Variants in NOTCH1 observed in about 807,000 individuals in gnomAD.
NOTCH1 encodes the protein notch receptor 1.
In NOTCH1, 37 loss-of-function variants were observed where a neutral mutation model predicts 254.8. That is an observed-to-expected ratio of 0.15 (90% CI 0.11 to 0.19). The LOEUF (loss-of-function observed/expected upper bound fraction) is 0.19. NOTCH1 is among the 10% of genes least tolerant of loss of function. The probability of loss-of-function intolerance (pLI) is 1.00; values close to 1 mark genes in which losing one functional copy is unlikely to be tolerated. For synonymous variants in NOTCH1, 1,731 were observed against 1,618.1 expected (o/e 1.07, Z -1.68); for missense variants, 2,972 against 3,708.6 (o/e 0.80, Z 5.16).
rs2133329059 is a variant in NOTCH1, at chr9:136,501,863, C to T, written c.5523G>A (p.Arg1841=). 6.2e-7 allele frequency: 1 copy of T among 1,612,574 alleles called. No individual in the cohort carries two copies. The highest frequency in any genetic ancestry group is 1.3e-5 in the African/African-American group (1 of 75,032). The change falls in exon 30 of 34, where the codon CGG becomes CGA. Residue 1841 remains arginine, a synonymous_variant. Coordinates refer to ENST00000651671, the MANE Select transcript of NOTCH1 (RefSeq NM_017617.5). ...CATCCAGGTGCTGCTGAGTCCACTGCCGGTGGTCTGTCTGGTCGTCCAGGT... is the reference window on the plus strand; with the variant it reads ...CATCCAGGTGCTGCTGAGTCCACTGTCGGTGGTCTGTCTGGTCGTCCAGGT... The part of the protein sequence containing the change: ...LPDLDDQTDH[R]QWTQQHLDAA...
intron 2 of NOTCH1, among the ~76,000 whole-genome samples, chr9:136,528,743 C>G (rs1355845039): frequency 6.6e-6 from 1 of 152,074 alleles, no homozygotes; most frequent in Non-Finnish European, 1.5e-5. Flanking sequence ...CACCTGCCCT[C>G]CTTGGGCCTC....
rs200232299 is a variant in NOTCH1 at position 136,505,581 on chromosome 9, C to T, written c.4315G>A (p.Asp1439Asn). The change falls in exon 25 of 34, where the codon GAC becomes AAC. Residue 1439 changes from aspartate to asparagine, a missense_variant. By Grantham distance (23) the Asp-to-Asn change is conservative. Transcript: ENST00000651671. ...TCCTCGATCAGCGGCGGGGGGATGTCGCGCCCGGCCCCACCCCCGAAGCTG... is the reference window on the plus strand; with the variant it reads ...TCCTCGATCAGCGGCGGGGGGATGTTGCGCCCGGCCCCACCCCCGAAGCTG... ...DYSFGGGAGRDIPPPLIEEAC... is the reference protein window; with the variant it reads ...DYSFGGGAGRNIPPPLIEEAC... 84 of 1,609,990 alleles carry T rather than the reference C, an allele frequency of 5.2e-5. No individual in the cohort carries two copies. Among genetic ancestry groups the T allele is most frequent in the Middle Eastern group, 1.6e-4 (1 of 6,078 alleles).
In NOTCH1 at chr9:136,506,553, G is replaced by T. The variant is rs1249540119; in HGVS notation, c.3988C>A (p.Arg1330Ser). ...GCAGGGCACTTGCAGATGAACCCGCGGGCGGTGTTGGAGGCCACGGCGCAG... is the reference window on the plus strand; with the variant it reads ...GCAGGGCACTTGCAGATGAACCCGCTGGCGGTGTTGGAGGCCACGGCGCAG... ...GTCAVASNTARGFICKCPAGF... is the reference protein window; with the variant it reads ...GTCAVASNTASGFICKCPAGF... The change falls in exon 24 of 34, where the codon CGC becomes AGC. Residue 1330 changes from arginine to serine, a missense_variant. By Grantham distance (110) the Arg-to-Ser change is moderately radical. Around this residue, in one of 8 missense-constraint regions of NOTCH1, gnomAD observed 1,343 missense variants for 1,557.0 expected, o/e 0.86. Coordinates refer to ENST00000651671, the MANE Select transcript of NOTCH1 (RefSeq NM_017617.5). The surrounding 1 kb of genome is among the most constrained non-coding windows in gnomAD (Gnocchi z 4.5). 6.2e-7 allele frequency: 1 copy of T among 1,608,400 alleles called. No individual in the cohort carries two copies. The highest frequency in any genetic ancestry group is 8.5e-7 in the Non-Finnish European group (1 of 1,178,632).
In NOTCH1 at chr9:136,509,794, T is replaced by C. The variant is rs201053795; in HGVS notation, c.2908A>G (p.Thr970Ala). The change falls in exon 18 of 34, where the codon ACC becomes GCC. Residue 970 changes from threonine (T) to alanine (A), a missense_variant. Thr to Ala is a moderately conservative substitution (Grantham distance 58). Coordinates refer to ENST00000651671, the MANE Select transcript of NOTCH1 (RefSeq NM_017617.5). ...ATCCCGCTGAAGCCTGCGGGGCAGGTGCACGTGTAGCTGTCCACGCAGTCC... is the reference window on the plus strand; with the variant it reads ...ATCCCGCTGAAGCCTGCGGGGCAGGCGCACGTGTAGCTGTCCACGCAGTCC... ...CTDCVDSYTC[T>A]CPAGFSGIHC... 93 of 1,612,970 alleles carry C rather than the reference T, an allele frequency of 5.8e-5. No homozygotes were observed. Among genetic ancestry groups the C allele is most frequent in the Non-Finnish European group, 7.8e-5 (92 of 1,180,024 alleles).
intron 27 of NOTCH1, chr9:136,502,862 T>G: frequency 3.4e-6 from 2 of 585,692 alleles, no homozygotes; most frequent in South Asian, 1.8e-5. Context: ...CTCTCTCTCT[T>G]TTTTTTTCTT....
chr9:136,530,933 C>A (rs1403524638), intron 2 of NOTCH1, among the ~76,000 whole-genome samples: 1 of 152,228 alleles, frequency 6.6e-6, no homozygotes, highest in South Asian at 2.1e-4. Flanking sequence ...TCCGGGCCAG[C>A]GCCAGACATG....
chr9:136,510,501 C>T, intron 17 of NOTCH1, 152 bp downstream of exon 17: 1 of 1,056,930 alleles, frequency 9.5e-7, no homozygotes, highest in Admixed American at 2.0e-5. Context: ...CTGGCCATCC[C>T]TCAGCACATC....
Position 136,496,517 on chromosome 9 carries a change from G to C in NOTCH1, c.7222C>G (p.Leu2408Val). 6.2e-7 allele frequency: 1 copy of C among 1,604,568 alleles called. No homozygotes were observed. The highest frequency in any genetic ancestry group is 8.5e-7 in the Non-Finnish European group (1 of 1,179,924). Reference sequence around the variant, plus strand: ...TGTGGTGGTGGTGGTGGCGGCTGCAGGCTTTGCTGCTGCTGGATGTTTGCT... The same window carrying C: ...TGTGGTGGTGGTGGTGGCGGCTGCACGCTTTGCTGCTGCTGGATGTTTGCT... ...QPANIQQQQS[L>V]QPPPPPPQPH... The change falls in exon 34 of 34, where the codon CTG (leucine) becomes GTG (valine). Residue 2408 changes from leucine (L) to valine (V), a missense_variant. Coordinates refer to ENST00000651671, the MANE Select transcript of NOTCH1 (RefSeq NM_017617.5).
rs762276624 is a variant in NOTCH1, at chr9:136,496,048, C to T, written c.*23G>A. ...CGCCCGAAGGCTTGGGAAAGGAAGC[C>T]GGGGTCTCGTGGGGCGCGCCGTTTA... On this transcript the variant is annotated 3_prime_UTR_variant, in exon 34 of 34. Coordinates refer to ENST00000651671, the MANE Select transcript of NOTCH1 (RefSeq NM_017617.5). 95 of 1,587,332 alleles carry T rather than the reference C, an allele frequency of 6.0e-5. No individual in the cohort carries two copies. In the African/African-American group the frequency reaches 6.1e-4, roughly 10 times the overall value.
At position 136,545,200 on chromosome 9, in the gene NOTCH1, G is replaced by A. The variant is rs1295122209; in HGVS notation, c.61+526C>T. On this transcript the variant is annotated intron_variant, in intron 1 of 33. Coordinates refer to ENST00000651671, the MANE Select transcript of NOTCH1 (RefSeq NM_017617.5). This position sits in a 1 kb window ranked among gnomAD's most constrained non-coding sequence, Gnocchi z 6.8. The stretch of plus-strand genomic sequence containing the variant: ...GCTGGGGGGCACCGGCGGGCGGGGC[G>A]ACCGGGAGCCCGGGGACCCAGCCCG... Among the ~76,000 whole-genome samples the A allele has an allele frequency of 6.6e-6, 1 of 151,824 alleles. No individual in the cohort carries two copies. The highest frequency in any genetic ancestry group is 1.5e-5 in the Non-Finnish European group (1 of 67,916).
rs2133351107 is a variant in NOTCH1 at position 136,509,892 on chromosome 9, A to C, written c.2810T>G (p.Phe937Cys). 2 of 1,613,228 alleles carry C rather than the reference A, an allele frequency of 1.2e-6. No individual in the cohort carries two copies. Among genetic ancestry groups the C allele is most frequent in the Non-Finnish European group, 1.7e-6 (2 of 1,180,018 alleles). ...NTAFCDCLPG[F>C]RGTFCEEDIN... ...GTCCTCCTCACAGAAAGTGCCCCGG[A>C]AGCCGGGCAGGCAGTCGCAGAAGGC... is the stretch of plus-strand genomic sequence containing the variant. Residue 937 changes from phenylalanine to cysteine, a missense_variant, in exon 18 of 34, where the codon TTC becomes TGC. Transcript: ENST00000651671.
At position 136,514,517 on chromosome 9, in the gene NOTCH1, G is replaced by A. The variant is rs1292975359; in HGVS notation, c.2200C>T (p.Leu734Phe). 1.3e-6 allele frequency: 2 copies of A among 1,581,710 alleles called. No homozygotes were observed. The highest frequency in any genetic ancestry group is 1.8e-5 in the Admixed American group (1 of 54,328). ...ATCGGCCCCGCCGCATACCCGTTGA[G>A]GCTGTCCCGGCAGGCCCCGTGGACG... ...PCVHGACRDS[L>F]NGYKCDCDPG... The change falls in exon 13 of 34, where the codon CTC (leucine) becomes TTC (phenylalanine). Residue 734 changes from leucine (L) to phenylalanine (F), a missense_variant. Physicochemically the swap from Leu to Phe is conservative, Grantham distance 22. This residue lies in a region of NOTCH1 where 1,343 missense variants were observed against 1,557.0 expected (regional missense o/e 0.86). Transcript: ENST00000651671.
chr9:136,499,557 A>T (rs1842965501), intron 31 of NOTCH1, among the ~76,000 whole-genome samples: 1 of 152,164 alleles, frequency 6.6e-6, no homozygotes, highest in African/African-American at 2.4e-5. Flanking sequence ...ACCACCTACA[A>T]AACAGAGAGG....
rs913089533 is a variant in NOTCH1 at position 136,518,274 on chromosome 9, T to C, written c.1118A>G (p.Asn373Ser). ...HGRTGLLCHLNDACISNPCNE... is the reference protein window; with the variant it reads ...HGRTGLLCHLSDACISNPCNE... The stretch of plus-strand genomic sequence containing the variant: ...ACAGGGGTTGCTGATGCATGCGTCG[T>C]TGAGGTGGCACAGCAGACCTGGGCA... Residue 373 changes from asparagine to serine, a missense_variant, in exon 7 of 34, where the codon AAC (asparagine) becomes AGC (serine). Coordinates refer to ENST00000651671, the MANE Select transcript of NOTCH1 (RefSeq NM_017617.5). The C allele has an allele frequency of 6.2e-7, 1 of 1,610,932 alleles. No individual in the cohort carries two copies. Among genetic ancestry groups the C allele is most frequent in the Non-Finnish European group, 8.5e-7 (1 of 1,179,278 alleles).
In NOTCH1 at chr9:136,495,394, G is replaced by A; in HGVS notation, c.*677C>T. ...GGTGCACTCTTGGCATACACACTCC[G>A]AGAACACATTTTCACAAGCATGCTT... On this transcript the variant is annotated 3_prime_UTR_variant, in exon 34 of 34. Transcript: ENST00000651671. 5 of 398,954 alleles carry A rather than the reference G, an allele frequency of 1.3e-5. No homozygotes were observed. The highest frequency in any genetic ancestry group is 4.4e-5 in the Admixed American group (1 of 22,754). 24.7% of individuals were successfully genotyped at this position (398,954 alleles called of 1,614,324 possible).
At chr9:136,541,531 G>C (rs192134599) in intron 2 of NOTCH1, among the ~76,000 whole-genome samples, 2 of 152,170 alleles carry the variant, frequency 1.3e-5, no homozygotes, top group Admixed American at 6.5e-5. Context: ...AGACTCTTTC[G>C]AGAAACAGTG....
At chr9:136,515,228 A>C in intron 12 of NOTCH1, 62 bp downstream of exon 12, 1 of 1,500,588 alleles carries the variant, frequency 6.7e-7, no homozygotes, top group Non-Finnish European at 9.2e-7. Flanking sequence ...GCCCCAGGGC[A>C]GAGTGGCTGA....
chr9:136,529,527 T>C (rs1330138099), intron 2 of NOTCH1, among the ~76,000 whole-genome samples: 1 of 152,166 alleles, frequency 6.6e-6, no homozygotes, highest in Non-Finnish European at 1.5e-5. Context: ...AGCCCAGCCC[T>C]GGGGGATGGA....
At chr9:136,524,639 CTTTT>C (rs869128901) in intron 2 of NOTCH1, among the ~76,000 whole-genome samples, 1 of 54,442 alleles carries the variant, frequency 1.8e-5, no homozygotes, top group South Asian at 5.6e-4. Flanking sequence ...TTTTTCTTTT[CTTTT>C]TTTTTTTTTT....
Sources: gnomAD v4.1 joint callset for allele counts (sites outside exome capture counted in the v4.1 genomes callset) on GRCh38, gnomAD v4.1.1 for gene constraint, gnomAD v4.1.1 regional missense constraint, Gnocchi (gnomAD v3.1) non-coding constraint, MANE v1.5 for transcripts, NCBI Gene and HGNC (gene_info 2026-07-23, HGNC 2026-07-21) for gene names.